SMC5: variants seen among roughly 807,000 people sequenced by gnomAD.
SMC5 encodes the protein structural maintenance of chromosomes protein 5.
SMC5 carries 88 observed loss-of-function variants against 148.3 expected under a neutral mutation model. The ratio of observed to expected loss-of-function variants is 0.59; its 90% confidence interval spans 0.50 to 0.71. The LOEUF is 0.71. SMC5 is among the 30% of genes least tolerant of loss of function. SMC5 has a pLI of 0.00. For synonymous variants in SMC5, 421 were observed against 432.8 expected (o/e 0.97, Z 0.34); for missense variants, 1,142 against 1,298.9 (o/e 0.88, Z 1.86).
Position 70,347,664 on chromosome 9 carries a change from G to T in SMC5, c.2716G>T (p.Glu906Ter). The change falls in exon 21 of 25, where the codon GAA becomes TAA. Residue 906 changes from glutamate to a stop codon, truncating the protein, a stop_gained. Transcript: ENST00000361138. LOFTEE classifies it high-confidence loss of function. ...AGAAGAAATAGAACAGTTAACTGAG[G>T]AACTAAAGGGAAAGAAAGTTGAACT... ...REEEIEQLTEELKGKKVELDQ... is the reference protein window; with the variant it reads ...REEEIEQLTE The T allele has an allele frequency of 6.3e-7, 1 of 1,587,314 alleles. No homozygotes were observed. Among genetic ancestry groups the T allele is most frequent in the Non-Finnish European group, 8.5e-7 (1 of 1,171,454 alleles).
At chr9:70,259,984 A>G (rs1436981551) in intron 1 of SMC5, among the ~76,000 whole-genome samples, 1 of 129,774 alleles carries the variant, frequency 7.7e-6, no homozygotes, top group Admixed American at 9.3e-5. Flanking sequence ...CCTGTAGCCC[A>G]CGCTGGATGG....
intron 22 of SMC5, among the ~76,000 whole-genome samples, chr9:70,349,839 A>G (rs1422852121): frequency 6.6e-6 from 1 of 152,228 alleles, no homozygotes; most frequent in African/African-American, 2.4e-5. Context: ...CTAAACTTGA[A>G]TAGAATGGTA....
At chr9:70,332,784 T>C (rs768652538) in intron 17 of SMC5, among the ~76,000 whole-genome samples, 1 of 152,296 alleles carries the variant, frequency 6.6e-6, no homozygotes, top group Non-Finnish European at 1.5e-5. Context: ...TGGTTTAATA[T>C]TTGGATATTC....
chr9:70,326,159 A>G (rs971552284), intron 17 of SMC5, among the ~76,000 whole-genome samples: 1 of 152,186 alleles, frequency 6.6e-6, no homozygotes, highest in East Asian at 1.9e-4. Flanking sequence ...AAATTCCAAC[A>G]CTGTGCAGAA....
intron 17 of SMC5, among the ~76,000 whole-genome samples, chr9:70,326,827 T>G (rs1483520679): frequency 6.6e-6 from 1 of 151,828 alleles, no homozygotes; most frequent in Non-Finnish European, 1.5e-5. Context: ...TTATTCCAAA[T>G]GACTATAAAA....
chr9:70,280,181 A>T (rs1021191194), intron 5 of SMC5, among the ~76,000 whole-genome samples: 1 of 152,196 alleles, frequency 6.6e-6, no homozygotes, highest in African/African-American at 2.4e-5. Context: ...GTTTCACTTG[A>T]AACACTCACC....
At position 70,267,994 on chromosome 9, in the gene SMC5, A is replaced by T. The variant is rs2034339300; in HGVS notation, c.380+19A>T. On this transcript the variant is annotated intron_variant, in intron 3 of 24. Transcript: ENST00000361138. ...TTGAATTGTAAGTGTTAAAAGTGCT[A>T]AAACTCCTTTTTCCTATAAAATTCT... The T allele has an allele frequency of 1.9e-6, 3 of 1,593,970 alleles. No individual in the cohort carries two copies. Among genetic ancestry groups the T allele is most frequent in the Non-Finnish European group, 2.6e-6 (3 of 1,169,052 alleles).
intron 3 of SMC5, among the ~76,000 whole-genome samples, chr9:70,269,746 G>A (rs1402883721): frequency 6.6e-6 from 1 of 152,150 alleles, no homozygotes; most frequent in African/African-American, 2.4e-5. Context: ...AAGCAAAGTT[G>A]TAAATAAGAT....
chr9:70,318,530 G>T lies in SMC5; in HGVS notation c.1823G>T (p.Arg608Leu), dbSNP rs745509783. 1 of 1,602,318 alleles carries T rather than the reference G, an allele frequency of 6.2e-7. No individual in the cohort carries two copies. Among genetic ancestry groups the T allele is most frequent in the Middle Eastern group, 1.7e-4 (1 of 5,982 alleles). Residue 608 changes from arginine (R) to leucine (L), a missense_variant, in exon 14 of 25, where the codon CGA (arginine) becomes CTA (leucine). Arg to Leu is a moderately radical substitution (Grantham distance 102, BLOSUM62 -2). Transcript: ENST00000361138. ...ACGTTATAGGTAATACAAGAAACCC[G>T]ATTAAAACAGATTTATACAGCAGAA... ...ERIERVIQET[R>L]LKQIYTAEEK...
intron 8 of SMC5, among the ~76,000 whole-genome samples, chr9:70,295,500 A>G (rs922952474): frequency 1.6e-4 from 24 of 151,624 alleles, no homozygotes; most frequent in African/African-American, 5.3e-4. Context: ...AGAAGAGGGA[A>G]CATTCAGAGA....
intron 22 of SMC5, 78 bp downstream of exon 22, chr9:70,348,116 AT>A: frequency 7.9e-7 from 1 of 1,258,524 alleles, no homozygotes; most frequent in Non-Finnish European, 1.1e-6. Context: ...TAAATTATTT[AT>A]TTACTTTTGA....
At chr9:70,288,258 G>A (rs1219411573) in intron 8 of SMC5, among the ~76,000 whole-genome samples, 1 of 151,894 alleles carries the variant, frequency 6.6e-6, no homozygotes, top group Non-Finnish European at 1.5e-5. Flanking sequence ...TTTATTTTTT[G>A]TTCTTTCTTA....
chr9:70,329,589 A>C (rs1766887413), intron 17 of SMC5, among the ~76,000 whole-genome samples: 1 of 152,208 alleles, frequency 6.6e-6, no homozygotes, highest in Non-Finnish European at 1.5e-5. Flanking sequence ...TATCCTTGTC[A>C]GCATTTTGGT....
At chr9:70,273,893 T>C (rs2118080871) in intron 3 of SMC5, among the ~76,000 whole-genome samples, 1 of 152,346 alleles carries the variant, frequency 6.6e-6, no homozygotes, top group East Asian at 1.9e-4. Context: ...CCTGCAGTGT[T>C]CTGTATTTGT....
chr9:70,281,996 C>G lies in SMC5; in HGVS notation c.820-426C>G, dbSNP rs560143504. 2.7e-5 allele frequency among the ~76,000 whole-genome samples: 4 copies of G among 150,512 alleles called. No homozygotes were observed. The East Asian group carries it at 7.8e-4, about 29-fold the overall frequency. The stretch of plus-strand genomic sequence containing the variant: ...ATGACATGACAGGCATCACTTTCAC[C>G]TACATGCTGGTTTTTATTTTTCTTT... On this transcript the variant is annotated intron_variant, in intron 6 of 24. Coordinates refer to ENST00000361138, the MANE Select transcript of SMC5 (RefSeq NM_015110.4).
At chr9:70,342,172 A>C (rs2036544170) in intron 17 of SMC5, among the ~76,000 whole-genome samples, 1 of 147,924 alleles carries the variant, frequency 6.8e-6, no homozygotes, top group Non-Finnish European at 1.5e-5. Flanking sequence ...TCTCACTCAT[A>C]GGTAGGAATT....
chr9:70,279,886 T>C (rs2118155375), intron 5 of SMC5, among the ~76,000 whole-genome samples: 1 of 152,148 alleles, frequency 6.6e-6, no homozygotes, highest in Middle Eastern at 3.4e-3. Flanking sequence ...TGCAGGTTTG[T>C]TATATAGGCA....
chr9:70,278,571 G>GCACAAATAT lies in SMC5; in HGVS notation c.628_636dup (p.Lys210_His212dup), dbSNP rs781506116. 5 of 1,611,486 alleles carry GCACAAATAT rather than the reference G, an allele frequency of 3.1e-6. No individual in the cohort carries two copies. Among genetic ancestry groups the GCACAAATAT allele is most frequent in the Non-Finnish European group, 4.2e-6 (5 of 1,179,164 alleles). Reference sequence around the variant, plus strand: ...AAAAGTCAATTGGTCCCCCAGAAATGCACAAATATCACTGTGAACTCAAAA... The same window carrying GCACAAATAT: ...AAAAGTCAATTGGTCCCCCAGAAATGCACAAATATCACAAATATCACTGTGAACTCAAAA... On this transcript the variant is annotated inframe_insertion, in exon 5 of 25. Transcript: ENST00000361138.
intron 7 of SMC5, among the ~76,000 whole-genome samples, chr9:70,283,737 A>G (rs1425473549): frequency 6.6e-6 from 1 of 152,090 alleles, no homozygotes; most frequent in African/African-American, 2.4e-5. Flanking sequence ...ATTGTATGAA[A>G]CATGATTTCT....
Sources: allele counts gnomAD v4.1 joint callset (sites outside exome capture counted in the v4.1 genomes callset), GRCh38; gene constraint gnomAD v4.1.1; transcripts MANE v1.5; gene names NCBI Gene and HGNC (gene_info 2026-07-23, HGNC 2026-07-21).